SENP1: variants seen among roughly 807,000 people sequenced by gnomAD.
SENP1 encodes SUMO specific peptidase 1, also known as sentrin-specific protease 1.
Under a neutral mutation model 93.0 loss-of-function variants are expected in SENP1, and 21 were observed. That is an observed-to-expected ratio of 0.23 (90% CI 0.16 to 0.33). The LOEUF (loss-of-function observed/expected upper bound fraction) is 0.33. Among genes scored for constraint, SENP1 ranks in the 10% least tolerant of loss-of-function variants. The pLI is 1.00. For missense variants in SENP1, 591 were observed against 758.7 expected (o/e 0.78, Z 2.60); for synonymous variants, 256 against 259.6 (o/e 0.99, Z 0.13).
At chr12:48,048,472 T>C (rs189224687) in intron 14 of SENP1, among the ~76,000 whole-genome samples, 2 of 152,244 alleles carry the variant, frequency 1.3e-5, no homozygotes, top group Admixed American at 6.5e-5. Context: ...TATTGAGAAG[T>C]TCCTTTTGGC....
In SENP1 at chr12:48,077,177, A is replaced by G. The variant is rs536350252; in HGVS notation, c.553-2384T>C. Among the ~76,000 whole-genome samples the G allele has an allele frequency of 3.3e-5, 5 of 152,304 alleles. No individual in the cohort carries two copies. The East Asian group carries it at 7.7e-4, about 24-fold the overall frequency. ...GAGTTGAGCTCCTTATATATTTTGA[A>G]TATCAACCCCTTATAGAATGGATGC... On this transcript the variant is annotated intron_variant, in intron 6 of 17. Coordinates refer to ENST00000549518, the MANE Select transcript of SENP1 (RefSeq NM_001267594.2).
intron 13 of SENP1, among the ~76,000 whole-genome samples, chr12:48,062,908 A>G (rs1943053026): frequency 1.3e-5 from 2 of 152,242 alleles, no homozygotes; most frequent in South Asian, 2.1e-4. Flanking sequence ...GATATCTAAA[A>G]TATTTAATGA....
At position 48,044,357 on chromosome 12, in the gene SENP1, CATATATATATATATATATGTATGTGTAT is replaced by C. The variant is rs1300068451; in HGVS notation, c.*937_*964del. 1 of 138,580 alleles carries C rather than the reference CATATATATATATATATATGTATGTGTAT, an allele frequency of 7.2e-6. No homozygotes were observed. The highest frequency in any genetic ancestry group is 1.6e-5 in the Non-Finnish European group (1 of 63,922). 8.6% of individuals were successfully genotyped at this position (138,580 alleles called of 1,614,324 possible). A position where few individuals can be genotyped will look rare whatever the true frequency, so the allele number is the denominator to read the frequency against. ...ATATCCCTGTGAAATTTTATACATA[CATATATATATATATATATGTATGTGTAT>C]ATATATATGTATATATATATGAAAT... On this transcript the variant is annotated 3_prime_UTR_variant, in exon 18 of 18. Coordinates refer to ENST00000549518, the MANE Select transcript of SENP1 (RefSeq NM_001267594.2).
At chr12:48,079,050 CA>C (rs1416131809) in intron 6 of SENP1, among the ~76,000 whole-genome samples, 16 of 152,072 alleles carry the variant, frequency 1.1e-4, no homozygotes, top group African/African-American at 3.9e-4. Context: ...ACTCAGAAGG[CA>C]AAAGAGGGAG....
chr12:48,091,462 A>C (rs2137226586), intron 4 of SENP1, among the ~76,000 whole-genome samples: 2 of 152,270 alleles, frequency 1.3e-5, no homozygotes, highest in Admixed American at 6.5e-5. Flanking sequence ...AAAAAAAAAA[A>C]AAGAATGTGT....
intron 6 of SENP1, chr12:48,081,574 T>TG (rs1377065750): frequency 2.7e-5 from 4 of 149,008 alleles, no homozygotes; most frequent in South Asian, 2.2e-4. Flanking sequence ...TTTTTCGTTT[T>TG]TTTTTTTTTT....
intron 3 of SENP1, among the ~76,000 whole-genome samples, chr12:48,097,324 G>C (rs926453663): frequency 6.6e-6 from 1 of 152,076 alleles, no homozygotes; most frequent in South Asian, 2.1e-4. Flanking sequence ...AATGATTATG[G>C]GGGGAGGTGG....
At chr12:48,067,065 G>A (rs1233993299) in intron 9 of SENP1, 100 bp from the exon 10 acceptor site, 3 of 778,180 alleles carry the variant, frequency 3.9e-6, no homozygotes, top group Admixed American at 2.4e-5. Context: ...TTGTTTATAT[G>A]AGTGCTTTAC....
chr12:48,045,417 A>G (rs1941290776), intron 17 of SENP1, 33 bp from the exon 18 acceptor site: 1 of 1,597,750 alleles, frequency 6.3e-7, no homozygotes, highest in South Asian at 1.1e-5. Context: ...TTAATTTTCA[A>G]TGCTTTTGTC....
chr12:48,069,060 C>T (rs1437559778), intron 9 of SENP1, among the ~76,000 whole-genome samples: 2 of 138,074 alleles, frequency 1.4e-5, no homozygotes, highest in East Asian at 2.2e-4. Context: ...GGGTAAGGCA[C>T]GAGAATCACT....
At chr12:48,085,633 C>A (rs1944800130) in intron 5 of SENP1, among the ~76,000 whole-genome samples, 1 of 150,476 alleles carries the variant, frequency 6.6e-6, no homozygotes, top group Admixed American at 6.6e-5. Context: ...GAAGCCTGAC[C>A]ATCTCTCTCC....
chr12:48,047,926 C>A (rs1302819524), intron 15 of SENP1, 75 bp downstream of exon 15: 5 of 912,010 alleles, frequency 5.5e-6, no homozygotes, highest in Middle Eastern at 2.2e-4. Context: ...AGGTATCAAA[C>A]AACTGAGTTC....
intron 5 of SENP1, chr12:48,085,272 G>A (rs1376640089): frequency 7.1e-6 from 11 of 1,553,730 alleles, no homozygotes; most frequent in East Asian, 2.2e-5. Context: ...CCAGTACATC[G>A]CAGAGATGGT....
Position 48,074,720 on chromosome 12 carries a change from G to A in SENP1, c.626C>T (p.Ala209Val), listed in dbSNP as rs745876557. 9 of 1,613,120 alleles carry A rather than the reference G, an allele frequency of 5.6e-6. No homozygotes were observed. The highest frequency in any genetic ancestry group is 2.7e-5 in the African/African-American group (2 of 74,760). The change falls in exon 7 of 18, where the codon GCC becomes GTC. Residue 209 changes from alanine (A) to valine (V), a missense_variant. By Grantham distance (64) the Ala-to-Val change is moderately conservative. Transcript: ENST00000549518. ...QMVTGKQFTI[A>V]KPTTHFPLHL... ...TAAAGGAAAATGTGTGGTGGGTTTG[G>A]CTATAGTAAACTGTTTCCCTGTGAC... is the stretch of plus-strand genomic sequence containing the variant.
Position 48,051,080 on chromosome 12 carries a change from G to A in SENP1, c.1408-1948C>T, listed in dbSNP as rs775212533. ...TTACCTCTGGAATCGTAAGTCTGAA[G>A]TGAAAAAAAAAAAAAAGAATGACAT... On this transcript the variant is annotated intron_variant, in intron 13 of 17. Coordinates refer to ENST00000549518, the MANE Select transcript of SENP1 (RefSeq NM_001267594.2). Among the ~76,000 whole-genome samples the A allele has an allele frequency of 4.1e-4, 55 of 133,962 alleles. No homozygotes were observed. The Middle Eastern group carries it at 0.018, about 45-fold the overall frequency. 87.9% of individuals were successfully genotyped at this position (133,962 alleles called of 152,430 possible).
At chr12:48,065,334 G>T (rs1943226847) in intron 11 of SENP1, 114 bp from the exon 12 acceptor site, 3 of 865,634 alleles carry the variant, frequency 3.5e-6, no homozygotes, top group Non-Finnish European at 5.2e-6. Context: ...GTGCTTAAAT[G>T]CCCATTGCTT....
chr12:48,099,976 G>A (rs557307989), intron 2 of SENP1, among the ~76,000 whole-genome samples: 24 of 152,190 alleles, frequency 1.6e-4, no homozygotes, highest in Middle Eastern at 3.4e-3. Context: ...AGCAATAAAC[G>A]TAACAGAATT....
chr12:48,063,784 T>G lies in SENP1; in HGVS notation c.1333A>C (p.Ser445Arg). The change falls in exon 13 of 18, where the codon AGT becomes CGT. Residue 445 changes from serine to arginine, a missense_variant. Coordinates refer to ENST00000549518, the MANE Select transcript of SENP1 (RefSeq NM_001267594.2). ...GTAATGGTCAGGCGAAATGCTTCACTGAGAACTTCATCCTGATTCCCATTA... is the reference window on the plus strand; with the variant it reads ...GTAATGGTCAGGCGAAATGCTTCACGGAGAACTTCATCCTGATTCCCATTA... ...FRNGNQDEVLSEAFRLTITRK... is the reference protein window; with the variant it reads ...FRNGNQDEVLREAFRLTITRK... 1.2e-6 allele frequency: 2 copies of G among 1,613,248 alleles called. No individual in the cohort carries two copies. The highest frequency in any genetic ancestry group is 1.7e-6 in the Non-Finnish European group (2 of 1,179,474).
intron 5 of SENP1, among the ~76,000 whole-genome samples, chr12:48,086,152 C>A (rs962750832): frequency 1.3e-5 from 2 of 152,168 alleles, no homozygotes; most frequent in African/African-American, 4.8e-5. Context: ...CAGACAAATT[C>A]ATTTGAAACA....
Sources: allele counts gnomAD v4.1 joint callset (sites outside exome capture counted in the v4.1 genomes callset), GRCh38; gene constraint gnomAD v4.1.1; transcripts MANE v1.5; gene names NCBI Gene and HGNC (gene_info 2026-07-23, HGNC 2026-07-21).